PTPRN2: variants seen among roughly 807,000 people sequenced by gnomAD.
The protein encoded by PTPRN2 is protein tyrosine phosphatase receptor type N2.
A neutral mutation model predicts 118.8 loss-of-function variants in PTPRN2; 74 were observed. The ratio of observed to expected loss-of-function variants is 0.62; its 90% confidence interval spans 0.52 to 0.76. The LOEUF is 0.76. Among genes scored for constraint, PTPRN2 ranks in the 30% least tolerant of loss-of-function variants. The pLI is 0.00. For missense variants in PTPRN2, 1,481 were observed against 1,394.4 expected (o/e 1.06, Z -0.99); for synonymous variants, 641 against 608.0 (o/e 1.05, Z -0.80).
chr7:158,091,578 G>C (rs568107306), intron 10 of PTPRN2, among the ~76,000 whole-genome samples: 1 of 152,090 alleles, frequency 6.6e-6, no homozygotes, highest in Non-Finnish European at 1.5e-5. Context: ...AGATGGGTGC[G>C]TGAGGGATAG....
chr7:158,382,616 G>A lies in PTPRN2; in HGVS notation c.164-65684C>T, dbSNP rs541280312. 3.9e-5 allele frequency among the ~76,000 whole-genome samples: 6 copies of A among 152,276 alleles called. No individual in the cohort carries two copies. In the South Asian group the frequency reaches 6.2e-4, roughly 16 times the overall value. On this transcript the variant is annotated intron_variant, in intron 2 of 22. Transcript: ENST00000389418. ...GTGCGAGCATTCCCGCCTGAGTTCTGCTGCCTGTCAGATCAGCGGTGGTGT... is the reference window on the plus strand; with the variant it reads ...GTGCGAGCATTCCCGCCTGAGTTCTACTGCCTGTCAGATCAGCGGTGGTGT...
chr7:157,656,297 G>A (rs1806081343), intron 14 of PTPRN2, 60 bp downstream of exon 14: 1 of 1,468,336 alleles, frequency 6.8e-7, no homozygotes, highest in African/African-American at 1.4e-5. Context: ...GGGTGTTGCA[G>A]GGGCCGAGGA....
chr7:158,539,759 C>T, intron 1 of PTPRN2: 1 of 250,054 alleles, frequency 4.0e-6, no homozygotes, highest in Non-Finnish European at 7.9e-6. Context: ...ACAGCTGGAA[C>T]CGGACGGTGC....
At chr7:157,954,751 G>A (rs1801078464) in intron 11 of PTPRN2, among the ~76,000 whole-genome samples, 1 of 152,188 alleles carries the variant, frequency 6.6e-6, no homozygotes, top group South Asian at 2.1e-4. Context: ...AGTGGGGGTG[G>A]CCTCTCCCAT....
Position 158,167,236 on chromosome 7 carries a change from A to T in PTPRN2, c.605T>A (p.Leu202Gln), listed in dbSNP as rs1823113207. 1 of 1,613,050 alleles carries T rather than the reference A, an allele frequency of 6.2e-7. No individual in the cohort carries two copies. Residue 202 changes from leucine (L) to glutamine (Q), a missense_variant, in exon 6 of 23, where the codon CTG becomes CAG. Coordinates refer to ENST00000389418, the MANE Select transcript of PTPRN2 (RefSeq NM_002847.5). ...GGTCCGGGACCCGGGAGGGTAGGTC[A>T]GCGCAGACGTGTGGGCCACATAGGT... ...ILTYVAHTSA[L>Q]TYPPGSRTQL...
chr7:158,014,814 T>C (rs1172417486), intron 11 of PTPRN2, among the ~76,000 whole-genome samples: 1 of 151,328 alleles, frequency 6.6e-6, no homozygotes. Context: ...CCCGTCCATA[T>C]ACCCACACAT....
At chr7:157,653,487 C>T (rs968154080) in intron 14 of PTPRN2, among the ~76,000 whole-genome samples, 2 of 152,146 alleles carry the variant, frequency 1.3e-5, no homozygotes, top group South Asian at 4.1e-4. Flanking sequence ...GTGCTTTCTA[C>T]AGCCTGTGTG....
At position 157,676,330 on chromosome 7, in the gene PTPRN2, C is replaced by T. The variant is rs907079815; in HGVS notation, c.2001+6395G>A. 5.3e-5 allele frequency among the ~76,000 whole-genome samples: 8 copies of T among 152,196 alleles called. No homozygotes were observed. The highest frequency in any genetic ancestry group is 1.9e-4 in the African/African-American group (8 of 41,448). On this transcript the variant is annotated intron_variant, in intron 13 of 22. Coordinates refer to ENST00000389418, the MANE Select transcript of PTPRN2 (RefSeq NM_002847.5). The surrounding 1 kb of genome is among the most constrained non-coding windows in gnomAD (Gnocchi z 5.6). ...CCCGCCAGCCGCCAAGAGCTCCACC[C>T]ACCACCTGGCCCAGCCCCTCCTCTG...
chr7:158,116,136 T>C (rs1283220466), intron 9 of PTPRN2, among the ~76,000 whole-genome samples: 2 of 152,228 alleles, frequency 1.3e-5, no homozygotes, highest in African/African-American at 4.8e-5. Context: ...AGATTCTACA[T>C]TGGCATTAAC....
At chr7:158,153,404 G>A (rs1290930543) in intron 6 of PTPRN2, among the ~76,000 whole-genome samples, 1 of 152,160 alleles carries the variant, frequency 6.6e-6, no homozygotes, top group Non-Finnish European at 1.5e-5. Context: ...CAAAATTAAA[G>A]GAGCGAAACC....
At chr7:158,443,292 G>C (rs1033214528) in intron 2 of PTPRN2, among the ~76,000 whole-genome samples, 1 of 152,206 alleles carries the variant, frequency 6.6e-6, no homozygotes, top group Non-Finnish European at 1.5e-5. Context: ...GCTTCTCCCC[G>C]AAGGCACAGA....
intron 11 of PTPRN2, among the ~76,000 whole-genome samples, chr7:158,025,227 T>C (rs1807177040): frequency 6.6e-6 from 1 of 152,188 alleles, no homozygotes; most frequent in South Asian, 2.1e-4. Context: ...GTGTGATGGT[T>C]GGTAACTAGA....
chr7:158,335,238 TCACCATAA>T (rs1805339795), intron 2 of PTPRN2, among the ~76,000 whole-genome samples: 1 of 22,760 alleles, frequency 4.4e-5, no homozygotes, highest in Admixed American at 3.9e-4. Context: ...ACCCACACTC[TCACCATAA>T]GAGGTGACAC....
At chr7:158,236,377 C>T (rs183011227) in intron 3 of PTPRN2, among the ~76,000 whole-genome samples, 1 of 152,242 alleles carries the variant, frequency 6.6e-6, no homozygotes, top group East Asian at 1.9e-4. Context: ...AAACTTCACG[C>T]AGGCCACCCC....
rs981920239 is a variant in PTPRN2, at chr7:157,604,580, C to T, written c.2345-505G>A. 5.3e-5 allele frequency among the ~76,000 whole-genome samples: 8 copies of T among 152,304 alleles called. No individual in the cohort carries two copies. The East Asian group carries it at 7.7e-4, about 15-fold the overall frequency. On this transcript the variant is annotated intron_variant, in intron 15 of 22. Coordinates refer to ENST00000389418, the MANE Select transcript of PTPRN2 (RefSeq NM_002847.5). ...AACAGAAATATGAACGTTAAGCAATCGCCCGCGTTTCAAAATAGAAAGTTT... is the reference window on the plus strand; with the variant it reads ...AACAGAAATATGAACGTTAAGCAATTGCCCGCGTTTCAAAATAGAAAGTTT...
chr7:157,967,238 A>T (rs999054162), intron 11 of PTPRN2, among the ~76,000 whole-genome samples: 12 of 152,316 alleles, frequency 7.9e-5, no homozygotes, highest in Admixed American at 7.2e-4. Context: ...TAAGCCTAGG[A>T]GGTCGAGGCT....
chr7:158,555,761 C>T lies in PTPRN2; in HGVS notation c.112+31797G>A, dbSNP rs1826938997. On this transcript the variant is annotated intron_variant, in intron 1 of 22. Transcript: ENST00000389418. The surrounding 1 kb of genome is among the most constrained non-coding windows in gnomAD (Gnocchi z 4.7). ...GTGTTGCTTCCCAGCGGGTTCCACC[C>T]ACTGCCTAGCAGGCCATCTACATGG... is the stretch of plus-strand genomic sequence containing the variant. Among the ~76,000 whole-genome samples the T allele has an allele frequency of 6.6e-6, 1 of 152,204 alleles. No homozygotes were observed. Among genetic ancestry groups the T allele is most frequent in the African/African-American group, 2.4e-5 (1 of 41,456 alleles).
At chr7:157,657,243 A>G (rs1171623575) in intron 13 of PTPRN2, among the ~76,000 whole-genome samples, 2 of 130,234 alleles carry the variant, frequency 1.5e-5, no homozygotes, top group African/African-American at 3.0e-5. Context: ...CACACACCAC[A>G]CACATCACAC....
rs1383009669 is a variant in PTPRN2 at position 158,427,983 on chromosome 7, A to G, written c.163+61752T>C. Among the ~76,000 whole-genome samples, 52 of 94,074 alleles carry G rather than the reference A, an allele frequency of 5.5e-4. 1 individual carries two copies. The highest frequency in any genetic ancestry group is 1.1e-3 in the South Asian group (3 of 2,656). The allele number at this position is 94,074 out of a possible 152,430, so 61.7% of individuals were successfully genotyped here. The stretch of plus-strand genomic sequence containing the variant: ...GCGGGGTCCGAGACCAGCCTAGCTG[A>G]GGCCTGCACAGCGCCGGGAAAGACG... On this transcript the variant is annotated intron_variant, in intron 2 of 22. Transcript: ENST00000389418.
Sources: allele counts gnomAD v4.1 joint callset (sites outside exome capture counted in the v4.1 genomes callset), GRCh38; gene constraint gnomAD v4.1.1; non-coding constraint Gnocchi (gnomAD v3.1); transcripts MANE v1.5; gene names NCBI Gene and HGNC (gene_info 2026-07-23, HGNC 2026-07-21).